The following RORA variants were observed in gnomAD, a reference collection of about 807,000 sequenced individuals.
RORA encodes the protein RAR related orphan receptor A, also known as nuclear receptor ROR-alpha.
A neutral mutation model predicts 69.5 loss-of-function variants in RORA; 7 were observed. That is an observed-to-expected ratio of 0.10 (90% CI 0.06 to 0.19). The LOEUF is 0.19. RORA is among the 10% of genes least tolerant of loss of function. The probability of loss-of-function intolerance (pLI) is 1.00; values close to 1 mark genes in which losing one functional copy is unlikely to be tolerated. For missense variants in RORA, 457 were observed against 663.0 expected, an observed-to-expected ratio of 0.69 and a Z score of 3.41; for synonymous variants, 261 against 240.8, an observed-to-expected ratio of 1.08 and a Z score of -0.78.
intron 1 of RORA, among the ~76,000 whole-genome samples, chr15:61,015,314 C>T (rs1316199143): frequency 6.6e-6 from 1 of 152,100 alleles, no homozygotes; most frequent in East Asian, 1.9e-4. Flanking sequence ...TCCTTAGAGC[C>T]TTGTGACTTT....
chr15:60,697,882 TA>T (rs1255428849), intron 1 of RORA, among the ~76,000 whole-genome samples: 5 of 152,166 alleles, frequency 3.3e-5, no homozygotes, highest in Admixed American at 3.3e-4. Flanking sequence ...AACACAGAGT[TA>T]TACCTCTCAG....
At chr15:60,904,499 T>C (rs974452587) in intron 1 of RORA, among the ~76,000 whole-genome samples, 2 of 152,132 alleles carry the variant, frequency 1.3e-5, no homozygotes, top group Non-Finnish European at 2.9e-5. Flanking sequence ...GCCAACAGAC[T>C]CAGCCACAAG....
chr15:60,749,436 G>A (rs1273111265), intron 1 of RORA, among the ~76,000 whole-genome samples: 3 of 152,178 alleles, frequency 2.0e-5, no homozygotes, highest in Non-Finnish European at 4.4e-5. Context: ...ATGGTGGTGA[G>A]TTATGATATG....
intron 1 of RORA, among the ~76,000 whole-genome samples, chr15:60,814,588 T>C (rs1184051337): frequency 1.3e-5 from 2 of 152,114 alleles, no homozygotes; most frequent in Non-Finnish European, 2.9e-5. Context: ...AGAAAATGGA[T>C]GGAAGAGAGG....
chr15:60,915,014 G>A (rs764101683), intron 1 of RORA, among the ~76,000 whole-genome samples: 6 of 152,160 alleles, frequency 3.9e-5, no homozygotes, highest in Non-Finnish European at 7.3e-5. Flanking sequence ...ATGCCTTTCC[G>A]AATGAGGAGG....
At chr15:60,538,082 C>A (rs2066734977) in intron 2 of RORA, among the ~76,000 whole-genome samples, 1 of 152,154 alleles carries the variant, frequency 6.6e-6, no homozygotes, top group Admixed American at 6.5e-5. Flanking sequence ...TCTCTATGTC[C>A]AGATTTCCCA....
At chr15:60,897,711 G>A (rs1396597456) in intron 1 of RORA, among the ~76,000 whole-genome samples, 2 of 152,194 alleles carry the variant, frequency 1.3e-5, no homozygotes, top group Non-Finnish European at 2.9e-5. Context: ...TGATGAAATT[G>A]CACTTCCCTC....
chr15:60,519,882 A>ATAAC (rs1229071668), intron 3 of RORA: 4 of 152,290 alleles, frequency 2.6e-5, no homozygotes, highest in African/African-American at 9.7e-5. Flanking sequence ...AGGGCACAGA[A>ATAAC]TAACTATCAT....
chr15:61,066,400 G>A (rs1272861089), intron 1 of RORA, among the ~76,000 whole-genome samples: 1 of 150,468 alleles, frequency 6.6e-6, no homozygotes, highest in Admixed American at 6.6e-5. Context: ...CACAATTGTG[G>A]GAAGACAGGG....
At chr15:60,910,197 T>C (rs934739216) in intron 1 of RORA, among the ~76,000 whole-genome samples, 2 of 152,316 alleles carry the variant, frequency 1.3e-5, no homozygotes, top group South Asian at 4.1e-4. Flanking sequence ...CCAGGTTGTA[T>C]TGAACAGAGT....
chr15:60,787,673 C>A (rs1041436959), intron 1 of RORA, among the ~76,000 whole-genome samples: 1 of 152,204 alleles, frequency 6.6e-6, no homozygotes, highest in African/African-American at 2.4e-5. Flanking sequence ...TCAAGGAGAT[C>A]TTTCCTAATT....
intron 1 of RORA, among the ~76,000 whole-genome samples, chr15:60,966,698 A>G (rs531414500): frequency 3.3e-5 from 5 of 152,328 alleles, no homozygotes; most frequent in South Asian, 4.2e-4. Flanking sequence ...ATGCTTCTAC[A>G]TTTCTGATAA....
At chr15:60,650,160 C>T (rs2070119416) in intron 2 of RORA, among the ~76,000 whole-genome samples, 1 of 151,608 alleles carries the variant, frequency 6.6e-6, no homozygotes, top group South Asian at 2.1e-4. Flanking sequence ...TGAGAAAAAG[C>T]ATTTTCCTTT....
chr15:61,066,503 T>C (rs1044810877), intron 1 of RORA, among the ~76,000 whole-genome samples: 13 of 143,224 alleles, frequency 9.1e-5, no homozygotes, highest in African/African-American at 3.1e-4. Flanking sequence ...CTCAGCTCAC[T>C]GCAACCTCCA....
chr15:60,843,575 T>A (rs563785508), intron 1 of RORA, among the ~76,000 whole-genome samples: 2 of 152,262 alleles, frequency 1.3e-5, no homozygotes, highest in African/African-American at 2.4e-5. Context: ...AAGGGCAAGA[T>A]GAGTTACAAG....
chr15:60,693,978 G>A (rs775965807), intron 1 of RORA, among the ~76,000 whole-genome samples: 4 of 152,052 alleles, frequency 2.6e-5, no homozygotes, highest in South Asian at 2.1e-4. Flanking sequence ...ATAGGAGCCC[G>A]TATAGCCAAG....
intron 2 of RORA, among the ~76,000 whole-genome samples, chr15:60,538,815 T>C (rs1214045961): frequency 6.6e-6 from 1 of 152,062 alleles, no homozygotes; most frequent in Non-Finnish European, 1.5e-5. Flanking sequence ...TCCCAAGCCT[T>C]ATTATTAAGT....
intron 1 of RORA, among the ~76,000 whole-genome samples, chr15:61,028,496 G>A (rs1420032143): frequency 6.6e-6 from 1 of 152,214 alleles, no homozygotes; most frequent in Non-Finnish European, 1.5e-5. Flanking sequence ...ATATCATGGT[G>A]AGTCAAAGCA....
intron 2 of RORA, chr15:60,556,874 C>A (rs201151581): frequency 6.2e-7 from 1 of 1,613,360 alleles, no homozygotes; most frequent in South Asian, 1.1e-5. Context: ...CCAGTTTGTA[C>A]TTCCTTATCT....
Sources: gnomAD v4.1 joint callset for allele counts (sites outside exome capture counted in the v4.1 genomes callset) on GRCh38, gnomAD v4.1.1 for gene constraint, MANE v1.5 for transcripts, NCBI Gene and HGNC (gene_info 2026-07-23, HGNC 2026-07-21) for gene names.